The following APCDD1 variants were observed in gnomAD, a reference collection of about 807,000 sequenced individuals.
APCDD1 encodes APC down-regulated 1.
A neutral mutation model predicts 38.1 loss-of-function variants in APCDD1; 15 were observed. The observed-to-expected ratio is 0.39, with a 90% CI of 0.26 to 0.61. The LOEUF (loss-of-function observed/expected upper bound fraction) is 0.61. APCDD1 is among the 20% of genes least tolerant of loss of function. APCDD1 has a pLI of 0.49. For synonymous variants in APCDD1, 261 were observed against 279.7 expected (o/e 0.93, Z 0.67); for missense variants, 647 against 696.2 (o/e 0.93, Z 0.79).
intron 3 of APCDD1, among the ~76,000 whole-genome samples, chr18:10,473,843 C>G (rs1190083032): frequency 6.6e-6 from 1 of 151,784 alleles, no homozygotes; most frequent in Non-Finnish European, 1.5e-5. Context: ...GCCAGGTCCA[C>G]TTGGTTTGAG....
At chr18:10,464,424 TTTA>T (rs1192094755) in intron 1 of APCDD1, among the ~76,000 whole-genome samples, 1 of 152,054 alleles carries the variant, frequency 6.6e-6, no homozygotes, top group Non-Finnish European at 1.5e-5. Flanking sequence ...TTTATAGTGT[TTTA>T]TTTGTTTATT....
At position 10,482,770 on chromosome 18, in the gene APCDD1, C is replaced by G. The variant is rs190006623; in HGVS notation, c.775-2692C>G. Reference sequence around the variant, plus strand: ...TTATGCAGGAGCCCTGGGCTGGGCACACTATGTCATACTAACTTTCCATCC... The same window carrying G: ...TTATGCAGGAGCCCTGGGCTGGGCAGACTATGTCATACTAACTTTCCATCC... On this transcript the variant is annotated intron_variant, in intron 3 of 4. Transcript: ENST00000355285. Among the ~76,000 whole-genome samples the G allele has an allele frequency of 1.3e-3, 198 of 152,294 alleles. 1 individual carries two copies. Among genetic ancestry groups the G allele is most frequent in the East Asian group, 7.7e-4 (4 of 5,174 alleles).
intron 3 of APCDD1, among the ~76,000 whole-genome samples, chr18:10,474,578 A>T (rs781623081): frequency 2.0e-5 from 3 of 151,942 alleles, no homozygotes; most frequent in Non-Finnish European, 4.4e-5. Flanking sequence ...CCTTTTCCTC[A>T]CCTTCATGCG....
rs1390157492 is a variant in APCDD1 at position 10,468,667 on chromosome 18, G to A, written c.242+15G>A. ...GTCTCCACAGGGTAAGAGGACAGGT[G>A]GGGTCTGGGAGAGGCCAGAGAGCAC... is the stretch of plus-strand genomic sequence containing the variant. On this transcript the variant is annotated intron_variant, in intron 2 of 4. Transcript: ENST00000355285. The A allele has an allele frequency of 1.9e-6, 3 of 1,612,966 alleles. No individual in the cohort carries two copies. Among genetic ancestry groups the A allele is most frequent in the South Asian group, 2.2e-5 (2 of 91,020 alleles).
At position 10,471,991 on chromosome 18, in the gene APCDD1, T is replaced by G; in HGVS notation, c.704T>G (p.Ile235Ser). The change falls in exon 3 of 5, where the codon ATT becomes AGT. Residue 235 changes from isoleucine (I) to serine (S), a missense_variant. Physicochemically the swap from Ile to Ser is moderately radical, Grantham distance 142. Coordinates refer to ENST00000355285, the MANE Select transcript of APCDD1 (RefSeq NM_153000.5). The surrounding 1 kb of genome is among the most constrained non-coding windows in gnomAD (Gnocchi z 5.5). ...GTCGAGGAGCTCTTCCTTGGTGACATTCACACTGATGCCACCCAGAGGATG... is the reference window on the plus strand; with the variant it reads ...GTCGAGGAGCTCTTCCTTGGTGACAGTCACACTGATGCCACCCAGAGGATG... Reference protein sequence around the residue: ...HLVEELFLGDIHTDATQRMFY... With the variant: ...HLVEELFLGDSHTDATQRMFY... The G allele has an allele frequency of 1.2e-6, 2 of 1,613,988 alleles. No individual in the cohort carries two copies. Among genetic ancestry groups the G allele is most frequent in the Non-Finnish European group, 1.7e-6 (2 of 1,180,022 alleles).
rs1172902758 is a variant in APCDD1 at position 10,468,534 on chromosome 18, A to G, written c.124A>G (p.Ser42Gly). 3 of 1,614,192 alleles carry G rather than the reference A, an allele frequency of 1.9e-6. No homozygotes were observed. Among genetic ancestry groups the G allele is most frequent in the Non-Finnish European group, 2.5e-6 (3 of 1,180,036 alleles). Residue 42 changes from serine to glycine, a missense_variant, in exon 2 of 5, where the codon AGT (serine) becomes GGT (glycine). By Grantham distance (56) the Ser-to-Gly change is moderately conservative. Coordinates refer to ENST00000355285, the MANE Select transcript of APCDD1 (RefSeq NM_153000.5). ...SRSHPRSLEK[S>G]AWRAFKESQC... ...GTCTCATCCTAGGTCCTTAGAGAAA[A>G]GTGCCTGGAGGGCTTTTAAGGAGTC... is the stretch of plus-strand genomic sequence containing the variant.
chr18:10,486,538 CTTGTCGTGTAA>C (rs2031253083), intron 4 of APCDD1, among the ~76,000 whole-genome samples: 1 of 152,110 alleles, frequency 6.6e-6, no homozygotes, highest in African/African-American at 2.4e-5. Flanking sequence ...CAACCCTGAG[CTTGTCGTGTAA>C]TTGAGAGGTT....
At chr18:10,477,589 GAC>G (rs1308806995) in intron 3 of APCDD1, 3 of 152,172 alleles carry the variant, frequency 2.0e-5, no homozygotes, top group Non-Finnish European at 2.9e-5. Flanking sequence ...TGTTGTCAGG[GAC>G]AATGCAAGTG....
At chr18:10,479,425 G>A (rs1173519827) in intron 3 of APCDD1, among the ~76,000 whole-genome samples, 1 of 152,180 alleles carries the variant, frequency 6.6e-6, no homozygotes, top group Non-Finnish European at 1.5e-5. Context: ...CTGGGAAGAT[G>A]GCGAAAACAA....
chr18:10,471,806 C>G lies in APCDD1; in HGVS notation c.519C>G (p.Gly173=). Residue 173 remains glycine, a synonymous_variant, in exon 3 of 5, where the codon GGC becomes GGG. Coordinates refer to ENST00000355285, the MANE Select transcript of APCDD1 (RefSeq NM_153000.5). The surrounding 1 kb of genome is among the most constrained non-coding windows in gnomAD (Gnocchi z 5.5). ...AGCAGGTGAACCGCACATGCCCGGG[C>G]TTCCTCGCAGACGGGGGTCCCTGGG... ...LGQQVNRTCP[G]FLADGGPWVQ... The G allele has an allele frequency of 1.2e-6, 2 of 1,613,724 alleles. No homozygotes were observed. The highest frequency in any genetic ancestry group is 1.7e-6 in the Non-Finnish European group (2 of 1,179,724).
intron 3 of APCDD1, among the ~76,000 whole-genome samples, chr18:10,480,839 A>G (rs1598399948): frequency 6.6e-6 from 1 of 152,024 alleles, no homozygotes; most frequent in East Asian, 1.9e-4. Flanking sequence ...CTGCACTCCA[A>G]CCTGGGCAAC....
chr18:10,485,731 C>T lies in APCDD1; in HGVS notation c.1044C>T (p.Ser348=), dbSNP rs767691303. 18 of 1,613,980 alleles carry T rather than the reference C, an allele frequency of 1.1e-5. No individual in the cohort carries two copies. Among genetic ancestry groups the T allele is most frequent in the Admixed American group, 3.3e-5 (2 of 60,018 alleles). ...CCATCTACGCCCGGGGCCGCTACAG[C>T]CGCGGCGTCCTCTCGTCCAGGGTCA... ...TFSIYARGRY[S]RGVLSSRVMG... is the part of the protein sequence containing the mutation. The change falls in exon 4 of 5, where the codon AGC becomes AGT. Residue 348 remains serine, a synonymous_variant. Transcript: ENST00000355285. This position sits in a 1 kb window ranked among gnomAD's most constrained non-coding sequence, Gnocchi z 5.8.
intron 3 of APCDD1, among the ~76,000 whole-genome samples, chr18:10,478,951 T>A (rs907172822): frequency 1.3e-5 from 2 of 152,200 alleles, no homozygotes; most frequent in Non-Finnish European, 2.9e-5. Context: ...TGCTAGCTAC[T>A]CCATTTAATT....
chr18:10,465,522 T>G (rs2030686675), intron 1 of APCDD1, among the ~76,000 whole-genome samples: 1 of 152,256 alleles, frequency 6.6e-6, no homozygotes, highest in African/African-American at 2.4e-5. Context: ...AAATATTTAT[T>G]GCTGGAAGAA....
intron 1 of APCDD1, among the ~76,000 whole-genome samples, chr18:10,455,253 C>T (rs918341339): frequency 6.6e-6 from 1 of 152,190 alleles, no homozygotes; most frequent in Non-Finnish European, 1.5e-5. Flanking sequence ...CCCCAGGGCG[C>T]CCGGAGCTCT....
rs143233730 is a variant in APCDD1, at chr18:10,477,884, C to T, written c.774+5823C>T. The T allele has an allele frequency of 1.1e-4, 17 of 152,312 alleles. No homozygotes were observed. In the East Asian group the frequency reaches 2.7e-3, roughly 24 times the overall value. The allele number at this position is 152,312 out of a possible 1,614,324, so 9.4% of individuals were successfully genotyped here. ...ATAAAAATTCTTTTCGGAAACCATTCTTAAAGTCTTTTCTCTTAAAGAACC... is the reference window on the plus strand; with the variant it reads ...ATAAAAATTCTTTTCGGAAACCATTTTTAAAGTCTTTTCTCTTAAAGAACC... On this transcript the variant is annotated intron_variant, in intron 3 of 4. Transcript: ENST00000355285.
intron 1 of APCDD1, among the ~76,000 whole-genome samples, chr18:10,466,680 A>T (rs1015912764): frequency 6.6e-6 from 1 of 152,178 alleles, no homozygotes; most frequent in Non-Finnish European, 1.5e-5. Context: ...TCTAGTGGAG[A>T]TGCCTTGCCT....
intron 3 of APCDD1, among the ~76,000 whole-genome samples, chr18:10,482,418 C>T (rs1330345062): frequency 6.6e-6 from 1 of 152,204 alleles, no homozygotes; most frequent in East Asian, 1.9e-4. Flanking sequence ...CCACTACCAG[C>T]GATGAGCTGC....
rs2030997160 is a variant in APCDD1 at position 10,476,178 on chromosome 18, A to C, written c.774+4117A>C. The C allele has an allele frequency of 6.6e-6, 1 of 152,238 alleles. No individual in the cohort carries two copies. Among genetic ancestry groups the C allele is most frequent in the South Asian group, 2.1e-4 (1 of 4,836 alleles). 9.4% of individuals were successfully genotyped at this position (152,238 alleles called of 1,614,324 possible). A position where few individuals can be genotyped will look rare whatever the true frequency, so the allele number is the denominator to read the frequency against. Reference sequence around the variant, plus strand: ...CTTCCCTAATTGCTGGTCCATAGAGACCAAGCTGAAAATTAGTTTAAATGC... The same window carrying C: ...CTTCCCTAATTGCTGGTCCATAGAGCCCAAGCTGAAAATTAGTTTAAATGC... On this transcript the variant is annotated intron_variant, in intron 3 of 4. Coordinates refer to ENST00000355285, the MANE Select transcript of APCDD1 (RefSeq NM_153000.5). The surrounding 1 kb of genome is among the most constrained non-coding windows in gnomAD (Gnocchi z 5.8).
Sources: allele counts gnomAD v4.1 joint callset (sites outside exome capture counted in the v4.1 genomes callset), GRCh38; gene constraint gnomAD v4.1.1; non-coding constraint Gnocchi (gnomAD v3.1); transcripts MANE v1.5; gene names NCBI Gene and HGNC (gene_info 2026-07-23, HGNC 2026-07-21).